ITIH2: variants seen among roughly 807,000 people sequenced by gnomAD.
ITIH2 encodes inter-alpha-trypsin inhibitor heavy chain 2, also known as inter-alpha-trypsin inhibitor heavy chain H2.
In ITIH2, 103 loss-of-function variants were observed where a neutral mutation model predicts 104.4. The ratio of observed to expected loss-of-function variants is 0.99; its 90% CI spans 0.84 to 1.16. The LOEUF is 1.16. Among genes scored for constraint, ITIH2 ranks in the 50% most tolerant of loss-of-function variants. The pLI, the probability that ITIH2 is intolerant of heterozygous loss-of-function variation, is 0.00. For missense variants in ITIH2, 1,108 were observed against 1,162.4 expected, an observed-to-expected ratio of 0.95 and a Z score of 0.68; for synonymous variants, 436 against 435.4, an observed-to-expected ratio of 1.00 and a Z score of -0.02.
At chr10:7,732,565 G>A (rs1835014205) in intron 14 of ITIH2, 88 bp downstream of exon 14, 2 of 1,440,744 alleles carry the variant, frequency 1.4e-6, no homozygotes, top group East Asian at 4.6e-5. Flanking sequence ...AAAAGAGTTT[G>A]GAAGCAAGAA....
chr10:7,713,527 A>G (rs1588451019), intron 5 of ITIH2: 2 of 431,494 alleles, frequency 4.6e-6, no homozygotes, highest in South Asian at 5.7e-5. Context: ...TTGCAGGTAG[A>G]TGGATGTTCT....
chr10:7,732,262 C>G (rs1485544402), intron 13 of ITIH2, 76 bp from the exon 14 acceptor site: 65 of 1,448,900 alleles, frequency 4.5e-5, no homozygotes, highest in Non-Finnish European at 5.9e-5. Flanking sequence ...TCATTCGCAG[C>G]AGGTACTAAA....
intron 6 of ITIH2, 44 bp downstream of exon 6, chr10:7,717,832 T>C (rs749750773): frequency 1.9e-6 from 3 of 1,570,102 alleles, no homozygotes; most frequent in African/African-American, 1.4e-5. Context: ...TGTCCTTTTA[T>C]AGTCTCTGAC....
rs147151926 is a variant in ITIH2 at position 7,719,189 on chromosome 10, G to C, written c.630+1401G>C. Among the ~76,000 whole-genome samples the C allele has an allele frequency of 5.4e-3, 815 of 152,288 alleles. 3 individuals are homozygous for C. The highest frequency in any genetic ancestry group is 7.5e-3 in the Non-Finnish European group (511 of 68,020). ...ATTCCCATTTGAAAAGCTGCTCGTGGGATCAATAATGCCCACTGTTTGGCA... is the reference window on the plus strand; with the variant it reads ...ATTCCCATTTGAAAAGCTGCTCGTGCGATCAATAATGCCCACTGTTTGGCA... On this transcript the variant is annotated intron_variant, in intron 6 of 20. Coordinates refer to ENST00000358415, the MANE Select transcript of ITIH2 (RefSeq NM_002216.3).
At chr10:7,729,125 C>A (rs960593099) in intron 11 of ITIH2, among the ~76,000 whole-genome samples, 1 of 152,056 alleles carries the variant, frequency 6.6e-6, no homozygotes, top group African/African-American at 2.4e-5. Context: ...ACCAGCCTGG[C>A]CAACATGGTG....
intron 11 of ITIH2, among the ~76,000 whole-genome samples, chr10:7,729,353 T>C (rs1169037950): frequency 6.6e-6 from 1 of 152,168 alleles, no homozygotes; most frequent in East Asian, 1.9e-4. Flanking sequence ...GGTTTAATCA[T>C]GGTTTCTCAC....
At chr10:7,741,885 C>A (rs1392230125) in intron 16 of ITIH2, among the ~76,000 whole-genome samples, 2 of 152,190 alleles carry the variant, frequency 1.3e-5, no homozygotes, top group Non-Finnish European at 2.9e-5. Context: ...ATTCTGTACA[C>A]TCAGAATAAA....
At chr10:7,727,607 TA>T in intron 10 of ITIH2, 95 bp from the exon 11 acceptor site, 1 of 1,400,048 alleles carries the variant, frequency 7.1e-7, no homozygotes, top group Non-Finnish European at 9.9e-7. Flanking sequence ...AAGTGATGGA[TA>T]AGTGATCAGC....
Position 7,731,839 on chromosome 10 carries a change from T to C in ITIH2, c.1490T>C (p.Leu497Ser). Residue 497 changes from leucine to serine, a missense_variant, in exon 13 of 21, where the codon TTG becomes TCG. By Grantham distance (145) the Leu-to-Ser change is moderately radical (BLOSUM62 -2). Transcript: ENST00000358415. The part of the protein sequence containing the change: ...KKFYNQVSTP[L>S]LRNVQFNYPH... ...TTCTACAACCAGGTCTCCACTCCAT[T>C]GCTCCGGAATGTTCAGTTCAACTAT... 6.2e-7 allele frequency: 1 copy of C among 1,611,396 alleles called. No homozygotes were observed. Among genetic ancestry groups the C allele is most frequent in the South Asian group, 1.1e-5 (1 of 90,514 alleles).
In ITIH2 at chr10:7,749,299, G is replaced by C; in HGVS notation, c.2806G>C (p.Val936Leu). The stretch of plus-strand genomic sequence containing the variant: ...TGACGGGCATTACAAGGATTACTTC[G>C]TGCCTCAGCTCTACAGCTTTCTCAA... ...FIDGHYKDYF[V>L]PQLYSFLKRP Residue 936 changes from valine to leucine, a missense_variant, in exon 21 of 21, where the codon GTG becomes CTG. Transcript: ENST00000358415. 4.3e-6 allele frequency: 7 copies of C among 1,614,120 alleles called. No individual in the cohort carries two copies. The highest frequency in any genetic ancestry group is 5.9e-6 in the Non-Finnish European group (7 of 1,180,012).
In ITIH2 at chr10:7,720,930, T is replaced by G; in HGVS notation, c.705T>G (p.Asp235Glu). Residue 235 changes from aspartate (D) to glutamate (E), a missense_variant, in exon 7 of 21, where the codon GAT (aspartate) becomes GAG (glutamate). Physicochemically the swap from Asp to Glu is conservative, Grantham distance 45. Coordinates refer to ENST00000358415, the MANE Select transcript of ITIH2 (RefSeq NM_002216.3). Reference sequence around the variant, plus strand: ...CCGACACATTTGAAGGCCATTTCGATGGTGTTCCGGTCATTTCTAAAGGAC... The same window carrying G: ...CCGACACATTTGAAGGCCATTTCGAGGGTGTTCCGGTCATTTCTAAAGGAC... ...HVPDTFEGHF[D>E]GVPVISKGQQ... 4.3e-6 allele frequency: 7 copies of G among 1,613,618 alleles called. No homozygotes were observed. Among genetic ancestry groups the G allele is most frequent in the Non-Finnish European group, 5.9e-6 (7 of 1,179,532 alleles).
chr10:7,709,180 C>A lies in ITIH2; in HGVS notation c.351C>A (p.Ser117=). 1 of 1,614,024 alleles carries A rather than the reference C, an allele frequency of 6.2e-7. No individual in the cohort carries two copies. Among genetic ancestry groups the A allele is most frequent in the Non-Finnish European group, 8.5e-7 (1 of 1,179,960 alleles). ...AGATCCCCAAAGGAGCATTCATTTCCAACTTCTCCATGTGAGTAACTTCTG... is the reference window on the plus strand; with the variant it reads ...AGATCCCCAAAGGAGCATTCATTTCAAACTTCTCCATGTGAGTAACTTCTG... ...DVQIPKGAFI[S]NFSMTVDGKT... The change falls in exon 4 of 21, where the codon TCC becomes TCA. Residue 117 remains serine (S), a synonymous_variant. Coordinates refer to ENST00000358415, the MANE Select transcript of ITIH2 (RefSeq NM_002216.3).
chr10:7,717,656 A>T lies in ITIH2; in HGVS notation c.498A>T (p.Arg166Ser), dbSNP rs562005226. 1.2e-6 allele frequency: 2 copies of T among 1,614,006 alleles called. No homozygotes were observed. Among genetic ancestry groups the T allele is most frequent in the East Asian group, 2.2e-5 (1 of 44,884 alleles). ...RSSALDMENF[R>S]TEVNVLPGAK... ...GCGCTCTTGATATGGAAAACTTCAG[A>T]ACGGAAGTAAATGTCCTCCCAGGAG... The change falls in exon 6 of 21, where the codon AGA becomes AGT. Residue 166 changes from arginine to serine, a missense_variant. Coordinates refer to ENST00000358415, the MANE Select transcript of ITIH2 (RefSeq NM_002216.3).
intron 19 of ITIH2, 33 bp from the exon 20 acceptor site, chr10:7,746,560 C>T (rs373820231): frequency 2.5e-5 from 34 of 1,369,402 alleles, no homozygotes; most frequent in Middle Eastern, 3.6e-4. Flanking sequence ...ACTATGATTA[C>T]ATGTCAATCA....
In ITIH2 at chr10:7,717,045, C is replaced by T. The variant is rs190305124; in HGVS notation, c.468-581C>T. On this transcript the variant is annotated intron_variant, in intron 5 of 20. Transcript: ENST00000358415. ...TCAACGCAACCTCTGCCTCCTGGGT[C>T]CTGGTTCAAGCATTTCTCCTGCCTC... Among the ~76,000 whole-genome samples the T allele has an allele frequency of 1.1e-3, 171 of 151,550 alleles. 1 individual carries two copies. Among genetic ancestry groups the T allele is most frequent in the South Asian group, 2.5e-3 (12 of 4,786 alleles).
At chr10:7,729,578 T>C (rs1173495076) in intron 11 of ITIH2, among the ~76,000 whole-genome samples, 1 of 152,212 alleles carries the variant, frequency 6.6e-6, no homozygotes, top group Non-Finnish European at 1.5e-5. Context: ...TTGTTTTTTT[T>C]TTCTCCTCTA....
At chr10:7,743,897 TATAA>T (rs1359898809) in intron 17 of ITIH2, among the ~76,000 whole-genome samples, 181 bp from the exon 18 acceptor site, 2 of 152,042 alleles carry the variant, frequency 1.3e-5, no homozygotes, top group African/African-American at 2.4e-5. Flanking sequence ...TATTAAAATT[TATAA>T]ATGTTATATT....
In ITIH2 at chr10:7,730,144, C is replaced by A. The variant is rs748031529; in HGVS notation, c.1461+11C>A. ...TCTTCCCAGCTTAAGGTAACATTTT[C>A]TTCTGTTCTTTTTTTATTCTTCACT... is the stretch of plus-strand genomic sequence containing the variant. On this transcript the variant is annotated intron_variant, in intron 12 of 20. Transcript: ENST00000358415. 5 of 1,575,038 alleles carry A rather than the reference C, an allele frequency of 3.2e-6. No homozygotes were observed. The highest frequency in any genetic ancestry group is 4.3e-6 in the Non-Finnish European group (5 of 1,159,746).
Position 7,738,670 on chromosome 10 carries a change from G to A in ITIH2, c.2007G>A (p.Trp669Ter), listed in dbSNP as rs1166120666. The change falls in exon 16 of 21, where the codon TGG becomes TGA. Residue 669 changes from tryptophan to a stop codon, truncating the protein, a stop_gained. Transcript: ENST00000358415. LOFTEE classifies it high-confidence loss of function. ...TGGTTCCAGATTCCACCCCGTCTTG[G>A]GCCAATCCTTCACCAACGCCCGTGA... is the stretch of plus-strand genomic sequence containing the variant. The part of the protein sequence containing the change: ...SKVVPDSTPS[W>*]ANPSPTPVIS... 6.2e-7 allele frequency: 1 copy of A among 1,613,772 alleles called. No individual in the cohort carries two copies. The highest frequency in any genetic ancestry group is 1.1e-5 in the South Asian group (1 of 91,080).
Sources: allele counts gnomAD v4.1 joint callset (sites outside exome capture counted in the v4.1 genomes callset), GRCh38; gene constraint gnomAD v4.1.1; transcripts MANE v1.5; gene names NCBI Gene and HGNC (gene_info 2026-07-23, HGNC 2026-07-21).